STXBP4: variants seen among roughly 807,000 people sequenced by gnomAD.
STXBP4 encodes the protein syntaxin-binding protein 4.
STXBP4 carries 55 observed loss-of-function variants against 76.1 expected under a neutral mutation model. The ratio of observed to expected loss-of-function variants is 0.72; its 90% CI spans 0.58 to 0.91. The LOEUF (loss-of-function observed/expected upper bound fraction) is 0.91, where lower values mean the gene tolerates loss of function less well. Ranked by LOEUF, STXBP4 falls within the 40% of genes least tolerant of loss-of-function variation. STXBP4 has a pLI of 0.00. For synonymous variants in STXBP4, 201 were observed against 220.2 expected (o/e 0.91, Z 0.77); for missense variants, 618 against 636.9 (o/e 0.97, Z 0.32).
At chr17:55,135,805 T>C (rs1304342802) in intron 16 of STXBP4, among the ~76,000 whole-genome samples, 1 of 152,146 alleles carries the variant, frequency 6.6e-6, no homozygotes, top group Non-Finnish European at 1.5e-5. Flanking sequence ...TGGATAATAA[T>C]GCACAAATTG....
intron 16 of STXBP4, among the ~76,000 whole-genome samples, chr17:55,124,984 A>G (rs567516088): frequency 5.1e-4 from 77 of 152,324 alleles, no homozygotes; most frequent in Non-Finnish European, 6.2e-4. Context: ...GACCTCATTC[A>G]ACCTTATTAC....
intron 1 of STXBP4, among the ~76,000 whole-genome samples, chr17:54,976,035 T>G (rs1440545317): frequency 6.6e-6 from 1 of 152,242 alleles, no homozygotes; most frequent in Non-Finnish European, 1.5e-5. Context: ...ACCACTAGAA[T>G]GTAAATACCA....
the STXBP4 span, among the ~76,000 whole-genome samples, chr17:55,195,531 C>T: frequency 6.6e-6 from 1 of 152,192 alleles, no homozygotes; most frequent in Non-Finnish European, 1.5e-5. Context: ...ACTGCAGCCT[C>T]AACAACTCGG....
intron 12 of STXBP4, among the ~76,000 whole-genome samples, chr17:55,048,690 C>G (rs182123631): frequency 1.2e-4 from 18 of 151,762 alleles, no homozygotes; most frequent in African/African-American, 4.1e-4. Context: ...AGACAAAATC[C>G]TATCAGAAAT....
chr17:55,089,858 A>G (rs777690777), intron 16 of STXBP4, among the ~76,000 whole-genome samples: 3 of 152,220 alleles, frequency 2.0e-5, no homozygotes, highest in Non-Finnish European at 2.9e-5. Context: ...GCATAAGCAC[A>G]GGCCTTTAAC....
At chr17:55,007,411 A>G (rs1178367014) in intron 7 of STXBP4, 95 bp from the exon 8 acceptor site, 12 of 865,898 alleles carry the variant, frequency 1.4e-5, no homozygotes, top group Non-Finnish European at 2.1e-5. Flanking sequence ...AGCTAGAATT[A>G]TTTTTGAACA....
chr17:55,109,791 C>T (rs145973694), intron 16 of STXBP4, among the ~76,000 whole-genome samples: 12 of 152,122 alleles, frequency 7.9e-5, no homozygotes, highest in African/African-American at 2.9e-4. Context: ...GCCGTCACCA[C>T]CATGGCTGGC....
At chr17:55,191,673 A>C in the STXBP4 span, among the ~76,000 whole-genome samples, 3 of 152,106 alleles carry the variant, frequency 2.0e-5, no homozygotes, top group South Asian at 6.2e-4. Flanking sequence ...CTTGACCACC[A>C]AACTATGTCC....
At chr17:55,179,715 A>T in the STXBP4 span, among the ~76,000 whole-genome samples, 3 of 152,078 alleles carry the variant, frequency 2.0e-5, no homozygotes, top group African/African-American at 7.2e-5. Flanking sequence ...TGAGTAGTAA[A>T]TGTATTTTAT....
chr17:55,124,213 A>G (rs1300450216), intron 16 of STXBP4, among the ~76,000 whole-genome samples: 2 of 152,146 alleles, frequency 1.3e-5, no homozygotes, highest in African/African-American at 4.8e-5. Context: ...TCCAAATGAT[A>G]AGACAGGCTG....
chr17:55,107,474 C>G (rs1402720277), intron 16 of STXBP4, among the ~76,000 whole-genome samples: 1 of 152,198 alleles, frequency 6.6e-6, no homozygotes, highest in Non-Finnish European at 1.5e-5. Context: ...CAGTTTTGTT[C>G]CCTTGCTGGT....
intron 12 of STXBP4, among the ~76,000 whole-genome samples, chr17:55,057,837 A>T (rs1385996767): frequency 1.3e-5 from 2 of 152,146 alleles, no homozygotes; most frequent in Non-Finnish European, 2.9e-5. Flanking sequence ...GTTTGCTGAG[A>T]ATGATGGTTT....
At chr17:55,019,821 A>AT (rs1326625411) in intron 8 of STXBP4, among the ~76,000 whole-genome samples, 1 of 151,954 alleles carries the variant, frequency 6.6e-6, no homozygotes, top group African/African-American at 2.4e-5. Context: ...CGTCTCTAAG[A>AT]TTTTTGTAGC....
In STXBP4 at chr17:55,005,524, C is replaced by A. The variant is rs75220351; in HGVS notation, c.575-1982C>A. 3.2e-3 allele frequency among the ~76,000 whole-genome samples: 491 copies of A among 152,218 alleles called. 12 individuals carry two copies. The highest frequency in any genetic ancestry group is 0.025 in the East Asian group (131 of 5,182). Reference sequence around the variant, plus strand: ...CTGTTCTTTTCACTGTTAGAGATAGCAAATTTTTATGCTTAGATGTAGGAA... The same window carrying A: ...CTGTTCTTTTCACTGTTAGAGATAGAAAATTTTTATGCTTAGATGTAGGAA... On this transcript the variant is annotated intron_variant, in intron 7 of 17. Coordinates refer to ENST00000376352, the MANE Select transcript of STXBP4 (RefSeq NM_178509.6).
At chr17:55,174,420 T>C (rs1191847730), downstream of STXBP4, among the ~76,000 whole-genome samples, 1 of 152,198 alleles carries the variant, frequency 6.6e-6, no homozygotes, top group African/African-American at 2.4e-5. Flanking sequence ...ATGGTTTAAA[T>C]TTGCATTCTT....
intron 9 of STXBP4, among the ~76,000 whole-genome samples, chr17:55,033,659 G>T (rs2078549924): frequency 6.6e-6 from 1 of 152,108 alleles, no homozygotes; most frequent in Non-Finnish European, 1.5e-5. Flanking sequence ...ACAGTTGAAG[G>T]CATTTAACCT....
At chr17:55,091,854 T>C (rs1229594342) in intron 16 of STXBP4, among the ~76,000 whole-genome samples, 1 of 152,214 alleles carries the variant, frequency 6.6e-6, no homozygotes, top group East Asian at 1.9e-4. Flanking sequence ...ACAAATATTC[T>C]ATAAAAGCTG....
chr17:55,135,841 T>C (rs1245089914), intron 16 of STXBP4, among the ~76,000 whole-genome samples: 3 of 152,158 alleles, frequency 2.0e-5, no homozygotes, highest in Non-Finnish European at 2.9e-5. Flanking sequence ...AGTTTACTTT[T>C]TGTGTTCTTC....
At chr17:55,092,188 G>T (rs1405993182) in intron 16 of STXBP4, among the ~76,000 whole-genome samples, 1 of 152,140 alleles carries the variant, frequency 6.6e-6, no homozygotes, top group Non-Finnish European at 1.5e-5. Flanking sequence ...AGGGATAAAA[G>T]ACTACACATT....
Sources: gnomAD v4.1 joint callset for allele counts (sites outside exome capture counted in the v4.1 genomes callset) on GRCh38, gnomAD v4.1.1 for gene constraint, MANE v1.5 for transcripts, NCBI Gene and HGNC (gene_info 2026-07-23, HGNC 2026-07-21) for gene names.